The following MVB12B variants were observed in gnomAD, a reference collection of about 807,000 sequenced individuals.
MVB12B encodes ESCRT-I complex subunit MVB12B.
Under a neutral mutation model 41.6 loss-of-function variants are expected in MVB12B, and 16 were observed. The ratio of observed to expected loss-of-function variants is 0.38; its 90% CI spans 0.26 to 0.58. MVB12B has a LOEUF of 0.58. MVB12B is among the 20% of genes least tolerant of loss of function. The probability of loss-of-function intolerance (pLI) is 0.62; values close to 1 mark genes in which losing one functional copy is unlikely to be tolerated. For missense variants in MVB12B, 274 were observed against 380.2 expected, an observed-to-expected ratio of 0.72 and a Z score of 2.32; for synonymous variants, 133 against 139.7, an observed-to-expected ratio of 0.95 and a Z score of 0.34.
At position 126,480,357 on chromosome 9, in the gene MVB12B, G is replaced by T. The variant is rs1002185928; in HGVS notation, c.758-1012G>T. Among the ~76,000 whole-genome samples the T allele has an allele frequency of 6.6e-6, 1 of 152,202 alleles. No individual in the cohort carries two copies. The highest frequency in any genetic ancestry group is 6.5e-5 in the Admixed American group (1 of 15,286). On this transcript the variant is annotated intron_variant, in intron 7 of 9. Transcript: ENST00000361171. This position sits in a 1 kb window ranked among gnomAD's most constrained non-coding sequence, Gnocchi z 4.9. ...CTGCCACGTTGGCTCTGTGAATGCCGGCATCACGTCTCGTCCAGTGTGACC... is the reference window on the plus strand; with the variant it reads ...CTGCCACGTTGGCTCTGTGAATGCCTGCATCACGTCTCGTCCAGTGTGACC...
chr9:126,473,108 C>T lies in MVB12B; in HGVS notation c.758-8261C>T, dbSNP rs1044580699. Among the ~76,000 whole-genome samples the T allele has an allele frequency of 2.0e-5, 3 of 152,148 alleles. No homozygotes were observed. Among genetic ancestry groups the T allele is most frequent in the Non-Finnish European group, 2.9e-5 (2 of 68,030 alleles). On this transcript the variant is annotated intron_variant, in intron 7 of 9. Coordinates refer to ENST00000361171, the MANE Select transcript of MVB12B (RefSeq NM_033446.3). This position sits in a 1 kb window ranked among gnomAD's most constrained non-coding sequence, Gnocchi z 4.0. The stretch of plus-strand genomic sequence containing the variant: ...TACGTGGTGGGTGCTTTATCTCTGT[C>T]GTCTTATTTCATTTTTCTTCACCCT...
Position 126,488,713 on chromosome 9 carries a change from TGAAGG to T in MVB12B, c.873+4685_873+4689del, listed in dbSNP as rs71970247. On this transcript the variant is annotated intron_variant, in intron 9 of 9. Coordinates refer to ENST00000361171, the MANE Select transcript of MVB12B (RefSeq NM_033446.3). ...CATCTACTGAAGAGTGGTCCCAACT[TGAAGG>T]GAAATAGAAGTGTGAGCCCTGAGGC... 7.9e-3 allele frequency among the ~76,000 whole-genome samples: 1,199 copies of T among 152,236 alleles called. 13 individuals are homozygous for T. Among genetic ancestry groups the T allele is most frequent in the African/African-American group, 0.027 (1,117 of 41,526 alleles).
At chr9:126,483,303 T>G (rs1833563628) in intron 8 of MVB12B, among the ~76,000 whole-genome samples, 1 of 152,240 alleles carries the variant, frequency 6.6e-6, no homozygotes, top group Non-Finnish European at 1.5e-5. Flanking sequence ...ATTTGATTTT[T>G]CATGCTGTCT....
intron 6 of MVB12B, among the ~76,000 whole-genome samples, chr9:126,416,194 G>A (rs1451115467): frequency 2.0e-5 from 3 of 152,218 alleles, no homozygotes; most frequent in Non-Finnish European, 1.5e-5. Context: ...ATAATGCCGG[G>A]GTGGCAAGAA....
intron 6 of MVB12B, among the ~76,000 whole-genome samples, chr9:126,400,271 G>A (rs1831232373): frequency 6.6e-6 from 1 of 152,156 alleles, no homozygotes. Context: ...ATGGCTGGGG[G>A]CTCCAGAAGG....
At chr9:126,501,141 TGTGCCTGGTGGTTGGCGAGCAGGAAA>T (rs1055465583) in intron 9 of MVB12B, among the ~76,000 whole-genome samples, 5 of 152,234 alleles carry the variant, frequency 3.3e-5, no homozygotes, top group Non-Finnish European at 7.3e-5. Flanking sequence ...GACCGCGGCC[TGTGCCTGGTGGTTGGCGAGCAGGAAA>T]GTGAGAGGGC....
At chr9:126,402,203 C>T in intron 6 of MVB12B, among the ~76,000 whole-genome samples, 1 of 152,236 alleles carries the variant, frequency 6.6e-6, no homozygotes, top group Admixed American at 6.5e-5. Context: ...TTCTGTGTAT[C>T]CCAGGTGATT....
At chr9:126,332,464 C>T (rs1303776920) in intron 1 of MVB12B, among the ~76,000 whole-genome samples, 1 of 152,218 alleles carries the variant, frequency 6.6e-6, no homozygotes, top group Non-Finnish European at 1.5e-5. Flanking sequence ...CCAGCCTGGG[C>T]ACCCACTGGC....
intron 6 of MVB12B, among the ~76,000 whole-genome samples, chr9:126,413,152 A>G (rs1831700372): frequency 6.6e-6 from 1 of 152,180 alleles, no homozygotes; most frequent in Admixed American, 6.5e-5. Context: ...ACATCATTTT[A>G]TGTCTGCATA....
intron 7 of MVB12B, among the ~76,000 whole-genome samples, chr9:126,422,653 T>C (rs1832060339): frequency 6.6e-6 from 1 of 152,152 alleles, no homozygotes; most frequent in Non-Finnish European, 1.5e-5. Context: ...AAGTGGCAAA[T>C]CAGTGCCACT....
intron 2 of MVB12B, among the ~76,000 whole-genome samples, chr9:126,380,521 T>G (rs1262576767): frequency 5.3e-5 from 8 of 152,214 alleles, no homozygotes; most frequent in African/African-American, 2.4e-5. Flanking sequence ...TGAACCCCAC[T>G]GTCAGGGCTT....
chr9:126,417,763 T>C (rs912059260), intron 6 of MVB12B, among the ~76,000 whole-genome samples: 1 of 152,216 alleles, frequency 6.6e-6, no homozygotes, highest in African/African-American at 2.4e-5. Context: ...GACCAAAGTG[T>C]ACTGTGATAC....
chr9:126,366,775 C>G (rs1830193288), intron 2 of MVB12B, among the ~76,000 whole-genome samples: 1 of 152,158 alleles, frequency 6.6e-6, no homozygotes, highest in Non-Finnish European at 1.5e-5. Context: ...GCATTCTTCT[C>G]TCACTTGGCG....
intron 2 of MVB12B, among the ~76,000 whole-genome samples, chr9:126,358,870 A>AAC (rs1829953852): frequency 6.6e-6 from 1 of 151,890 alleles, no homozygotes; most frequent in Non-Finnish European, 1.5e-5. Context: ...CCTTTTCCCA[A>AAC]ATCTTAGGGG....
chr9:126,403,866 C>T (rs151232351), intron 6 of MVB12B, among the ~76,000 whole-genome samples: 80 of 152,160 alleles, frequency 5.3e-4, no homozygotes, highest in African/African-American at 1.6e-3. Flanking sequence ...CCCTTCCATC[C>T]GTCCATCCAT....
intron 7 of MVB12B, among the ~76,000 whole-genome samples, chr9:126,431,472 C>T (rs764236845): frequency 2.2e-4 from 33 of 152,210 alleles, no homozygotes; most frequent in Non-Finnish European, 4.4e-4. Flanking sequence ...GCTTTCATTT[C>T]TGCTTTTCCT....
At chr9:126,416,623 ACT>A (rs1831834549) in intron 6 of MVB12B, among the ~76,000 whole-genome samples, 1 of 152,102 alleles carries the variant, frequency 6.6e-6, no homozygotes, top group African/African-American at 2.4e-5. Context: ...AATCGGGGTA[ACT>A]CTAACATAGC....
At chr9:126,399,969 G>A (rs1328231341) in intron 6 of MVB12B, among the ~76,000 whole-genome samples, 1 of 152,222 alleles carries the variant, frequency 6.6e-6, no homozygotes, top group Non-Finnish European at 1.5e-5. Context: ...TCACACAGGA[G>A]CCAAACTGAG....
intron 9 of MVB12B, among the ~76,000 whole-genome samples, chr9:126,488,628 C>T (rs1257743533): frequency 2.0e-5 from 3 of 152,202 alleles, no homozygotes; most frequent in Non-Finnish European, 4.4e-5. Context: ...ATTCCCACAG[C>T]AGCAACCCAG....
Sources: allele counts gnomAD v4.1 joint callset (sites outside exome capture counted in the v4.1 genomes callset), GRCh38; gene constraint gnomAD v4.1.1; non-coding constraint Gnocchi (gnomAD v3.1); transcripts MANE v1.5; gene names NCBI Gene and HGNC (gene_info 2026-07-23, HGNC 2026-07-21).